Variants in TVP23A observed in about 807,000 individuals in gnomAD.
TVP23A encodes Golgi apparatus membrane protein TVP23 homolog A.
Under a neutral mutation model 31.7 loss-of-function variants are expected in TVP23A, and 21 were observed. The ratio of observed to expected loss-of-function variants is 0.66; its 90% CI spans 0.47 to 0.95. TVP23A has a LOEUF of 0.95. Among genes scored for constraint, TVP23A ranks in the 40% least tolerant of loss-of-function variants. TVP23A has a pLI of 0.00. For missense variants in TVP23A, 279 were observed against 255.6 expected (o/e 1.09, Z -0.62); for synonymous variants, 104 against 96.0 (o/e 1.08, Z -0.49).
At chr16:10,792,807 A>G (rs1033049161) in intron 2 of TVP23A, among the ~76,000 whole-genome samples, 1 of 152,228 alleles carries the variant, frequency 6.6e-6, no homozygotes, top group African/African-American at 2.4e-5. Flanking sequence ...TACTGCCCCA[A>G]CATCTGAGCC....
At chr16:10,761,885 A>T, downstream of TVP23A, 1 of 1,560,184 alleles carries the variant, frequency 6.4e-7, no homozygotes, top group Non-Finnish European at 8.8e-7. Context: ...GTGGGGCGGC[A>T]CCTCACTCCT....
At chr16:10,809,123 C>T (rs985257693) in intron 2 of TVP23A, among the ~76,000 whole-genome samples, 3 of 152,204 alleles carry the variant, frequency 2.0e-5, no homozygotes, top group African/African-American at 7.2e-5. Context: ...CCACAAGGGG[C>T]ATCAGGAGCC....
intron 2 of TVP23A, among the ~76,000 whole-genome samples, chr16:10,776,218 T>C (rs962357964): frequency 1.3e-5 from 2 of 151,166 alleles, no homozygotes; most frequent in South Asian, 4.2e-4. Context: ...CTACTCAAAA[T>C]ACAAAAATTA....
At chr16:10,762,758 G>C (rs1168584473), downstream of TVP23A, among the ~76,000 whole-genome samples, 1 of 152,036 alleles carries the variant, frequency 6.6e-6, no homozygotes, top group Non-Finnish European at 1.5e-5. Context: ...CGGGACAGGA[G>C]AGAGGGGCCG....
chr16:10,792,517 G>A (rs180797428), intron 2 of TVP23A, among the ~76,000 whole-genome samples: 2 of 152,152 alleles, frequency 1.3e-5, no homozygotes, highest in Non-Finnish European at 2.9e-5. Context: ...CGAGTCTCCC[G>A]AGTGATTCTT....
chr16:10,801,998 CAAAAAAT>C (rs1427495582), intron 2 of TVP23A, among the ~76,000 whole-genome samples: 1 of 151,434 alleles, frequency 6.6e-6, no homozygotes, highest in Non-Finnish European at 1.5e-5. Flanking sequence ...CTTGTTTCTA[CAAAAAAT>C]AAAAAATAAA....
chr16:10,773,155 C>A (rs1010098838), intron 5 of TVP23A, among the ~76,000 whole-genome samples, 158 bp downstream of exon 5: 1 of 152,216 alleles, frequency 6.6e-6, no homozygotes, highest in Non-Finnish European at 1.5e-5. Context: ...TAATTGTATA[C>A]TTTAAATGGG....
rs1213063280 is a variant in TVP23A at position 10,775,078 on chromosome 16, A to AAAGGTGGCC, written c.99_107dup (p.Leu33_Thr35dup). On this transcript the variant is annotated inframe_insertion, in exon 3 of 8. Coordinates refer to ENST00000299866, the MANE Select transcript of TVP23A (RefSeq NM_001079512.4). ...CACTCACTCGGAAAAACAGGTGGAAAAAGGTGGCCAAGGGGTGTCTAGGAA... is the reference window on the plus strand; with the variant it reads ...CACTCACTCGGAAAAACAGGTGGAAAAAGGTGGCCAAGGTGGCCAAGGGGTGTCTAGGAA... The AAAGGTGGCC allele has an allele frequency of 6.2e-7, 1 of 1,609,568 alleles. No homozygotes were observed.
chr16:10,776,856 A>G (rs1043105212), intron 2 of TVP23A, among the ~76,000 whole-genome samples: 3 of 152,042 alleles, frequency 2.0e-5, no homozygotes, highest in African/African-American at 7.2e-5. Context: ...TTGCCATGAC[A>G]TCTGTGAACT....
At chr16:10,761,558 T>G in exon 9 of TVP23A, 1 of 1,218,322 alleles carries the variant, frequency 8.2e-7, no homozygotes. Context: ...TGCAAACTAT[T>G]TCTGCTTTCC....
intron 2 of TVP23A, among the ~76,000 whole-genome samples, chr16:10,786,667 C>A (rs942249934): frequency 3.3e-5 from 5 of 151,852 alleles, no homozygotes; most frequent in South Asian, 2.1e-4. Flanking sequence ...CCTGAGTGTG[C>A]GGGGATGGGA....
intron 2 of TVP23A, among the ~76,000 whole-genome samples, chr16:10,783,169 A>C (rs190009340): frequency 1.3e-5 from 2 of 152,316 alleles, no homozygotes; most frequent in East Asian, 3.9e-4. Context: ...GTGTGTAAAA[A>C]TTCAGTGAAC....
chr16:10,775,033 G>A lies in TVP23A; in HGVS notation c.153C>T (p.Ser51=), dbSNP rs1426262851. ...FRVSAIVTYV[S]CDWFSKSFVG... is the part of the protein sequence containing the mutation. ...CAAAGCTCTTGCTGAACCAGTCGCA[G>A]CTCACGTAGGTGACGATGGCACTCA... The change falls in exon 3 of 8, where the codon AGC becomes AGT. Residue 51 remains serine (S), a synonymous_variant. Coordinates refer to ENST00000299866, the MANE Select transcript of TVP23A (RefSeq NM_001079512.4). 6.2e-7 allele frequency: 1 copy of A among 1,612,254 alleles called. No homozygotes were observed. Among genetic ancestry groups the A allele is most frequent in the South Asian group, 1.1e-5 (1 of 90,666 alleles).
At chr16:10,809,155 T>C (rs940817554) in intron 2 of TVP23A, among the ~76,000 whole-genome samples, 5 of 152,104 alleles carry the variant, frequency 3.3e-5, no homozygotes, top group African/African-American at 1.2e-4. Flanking sequence ...CCTAAACACA[T>C]TGTGCACCTC....
downstream of TVP23A, chr16:10,757,862 C>T (rs775140832): frequency 8.7e-6 from 14 of 1,608,800 alleles, no homozygotes; most frequent in Admixed American, 6.7e-5. The surrounding 1 kb of genome is among the most constrained non-coding windows in gnomAD (Gnocchi z 4.1). Context: ...CCTGTGGATT[C>T]CTCTTTCTAG....
chr16:10,809,616 C>T (rs1297491128), intron 2 of TVP23A, among the ~76,000 whole-genome samples: 1 of 152,228 alleles, frequency 6.6e-6, no homozygotes, highest in Non-Finnish European at 1.5e-5. Flanking sequence ...GATGCCCTAC[C>T]TCTGTCTTCC....
intron 2 of TVP23A, among the ~76,000 whole-genome samples, chr16:10,811,760 C>T (rs1469753345): frequency 2.0e-5 from 3 of 151,584 alleles, no homozygotes; most frequent in Non-Finnish European, 2.9e-5. Flanking sequence ...AAAAGTTAGC[C>T]GGGCATGGTG....
intron 2 of TVP23A, among the ~76,000 whole-genome samples, chr16:10,792,179 T>C (rs1432430302): frequency 6.6e-6 from 1 of 152,210 alleles, no homozygotes; most frequent in African/African-American, 2.4e-5. Flanking sequence ...CTGTTCCCCT[T>C]TCTCTTTCTT....
intron 2 of TVP23A, among the ~76,000 whole-genome samples, chr16:10,778,162 C>T (rs760787054): frequency 4.0e-5 from 6 of 151,856 alleles, no homozygotes; most frequent in Non-Finnish European, 5.9e-5. Context: ...GGTAAAACTC[C>T]GTCTCTACTA....
Sources: allele counts gnomAD v4.1 joint callset (sites outside exome capture counted in the v4.1 genomes callset), GRCh38; gene constraint gnomAD v4.1.1; non-coding constraint Gnocchi (gnomAD v3.1); transcripts MANE v1.5; gene names NCBI Gene and HGNC (gene_info 2026-07-23, HGNC 2026-07-21).